Variants in MSI2 observed in about 807,000 individuals in gnomAD.
MSI2 encodes the protein musashi RNA binding protein 2, also known as RNA-binding protein Musashi homolog 2.
Under a neutral mutation model 45.6 loss-of-function variants are expected in MSI2, and 17 were observed. The observed-to-expected ratio is 0.37, with a 90% CI of 0.26 to 0.56. The LOEUF (loss-of-function observed/expected upper bound fraction) is 0.56. MSI2 is among the 20% of genes least tolerant of loss of function. The probability of loss-of-function intolerance (pLI) is 0.77; values close to 1 mark genes in which losing one functional copy is unlikely to be tolerated. For synonymous variants in MSI2, 156 were observed against 158.2 expected, an observed-to-expected ratio of 0.99 and a Z score of 0.11; for missense variants, 293 against 444.2, an observed-to-expected ratio of 0.66 and a Z score of 3.06.
At chr17:57,382,821 T>C (rs2083620118) in intron 5 of MSI2, among the ~76,000 whole-genome samples, 1 of 152,208 alleles carries the variant, frequency 6.6e-6, no homozygotes, top group Admixed American at 6.5e-5. Context: ...CGATGAAATT[T>C]TGAGAAAGCA....
At chr17:57,479,151 A>C (rs1223084946) in intron 6 of MSI2, among the ~76,000 whole-genome samples, 1 of 152,124 alleles carries the variant, frequency 6.6e-6, no homozygotes, top group Non-Finnish European at 1.5e-5. Context: ...AAAATGATGG[A>C]GACCCTTGGG....
chr17:57,533,858 T>C (rs1429609912), intron 7 of MSI2, among the ~76,000 whole-genome samples: 2 of 152,146 alleles, frequency 1.3e-5, no homozygotes, highest in East Asian at 3.9e-4. Context: ...CCTGGGGAAA[T>C]CCTGGAGGGG....
Position 57,498,942 on chromosome 17 carries a change from G to A in MSI2, c.406-30734G>A, listed in dbSNP as rs147929983. ...CTCCCCCCACCCCACAACAGGCCCC[G>A]GTGTGTGATGTCCCCCTTCCTGTGT... On this transcript the variant is annotated intron_variant, in intron 6 of 13. Coordinates refer to ENST00000284073, the MANE Select transcript of MSI2 (RefSeq NM_138962.4). Among the ~76,000 whole-genome samples the A allele has an allele frequency of 8.5e-3, 917 of 107,958 alleles. 42 individuals are homozygous for A. The South Asian group carries it at 0.14, about 16-fold the overall frequency. 70.8% of individuals were successfully genotyped at this position (107,958 alleles called of 152,430 possible). A position where few individuals can be genotyped will look rare whatever the true frequency, so the allele number is the denominator to read the frequency against.
At chr17:57,481,529 CTT>C (rs1397384825) in intron 6 of MSI2, among the ~76,000 whole-genome samples, 3 of 152,156 alleles carry the variant, frequency 2.0e-5, no homozygotes, top group Non-Finnish European at 4.4e-5. Context: ...AACTAGGTCT[CTT>C]TGGGAATTTT....
At chr17:57,566,592 T>C (rs2087738337) in intron 7 of MSI2, among the ~76,000 whole-genome samples, 1 of 151,742 alleles carries the variant, frequency 6.6e-6, no homozygotes, top group African/African-American at 2.4e-5. Flanking sequence ...ATGTGCAGAG[T>C]GAGGTATCAT....
chr17:57,557,292 T>C (rs996538016), intron 7 of MSI2, among the ~76,000 whole-genome samples: 3 of 152,200 alleles, frequency 2.0e-5, no homozygotes, highest in African/African-American at 7.2e-5. Flanking sequence ...TCTTGCTACC[T>C]CTTTTTACGC....
chr17:57,632,096 A>G (rs1909430412), intron 10 of MSI2: 2 of 1,272,648 alleles, frequency 1.6e-6, no homozygotes, highest in East Asian at 6.5e-5. Context: ...CTCAGAATGT[A>G]ACGGGGCCAG....
At chr17:57,441,472 G>A (rs1399866286) in intron 6 of MSI2, among the ~76,000 whole-genome samples, 1 of 152,134 alleles carries the variant, frequency 6.6e-6, no homozygotes, top group Non-Finnish European at 1.5e-5. Context: ...AAGTATGAAA[G>A]TATCATTGGC....
intron 8 of MSI2, among the ~76,000 whole-genome samples, chr17:57,607,060 A>G (rs763432715): frequency 1.3e-5 from 2 of 152,292 alleles, no homozygotes; most frequent in Non-Finnish European, 2.9e-5. Flanking sequence ...AGGCCATCGC[A>G]CAGAGGAAAT....
At chr17:57,590,055 T>C (rs1398520117) in intron 7 of MSI2, among the ~76,000 whole-genome samples, 2 of 152,258 alleles carry the variant, frequency 1.3e-5, no homozygotes, top group African/African-American at 2.4e-5. Flanking sequence ...GCATGAGTTA[T>C]AAATATTCTT....
chr17:57,410,404 G>T (rs946913235), intron 6 of MSI2, among the ~76,000 whole-genome samples: 1 of 152,038 alleles, frequency 6.6e-6, no homozygotes, highest in African/African-American at 2.4e-5. Context: ...AGCACAGGCC[G>T]GCAAGTGTTA....
At chr17:57,375,713 G>A (rs531786689) in intron 5 of MSI2, among the ~76,000 whole-genome samples, 1 of 152,314 alleles carries the variant, frequency 6.6e-6, no homozygotes, top group African/African-American at 2.4e-5. Flanking sequence ...CACTCTGAGT[G>A]AACATATTTG....
chr17:57,640,953 T>C (rs999384648), intron 10 of MSI2, among the ~76,000 whole-genome samples: 2 of 152,200 alleles, frequency 1.3e-5, no homozygotes, highest in African/African-American at 4.8e-5. Flanking sequence ...AAGGCCGTCC[T>C]CCCATCCACC....
chr17:57,637,398 C>T (rs1456685897), intron 10 of MSI2, among the ~76,000 whole-genome samples: 3 of 152,232 alleles, frequency 2.0e-5, no homozygotes, highest in Non-Finnish European at 4.4e-5. Flanking sequence ...AAGCAGAGCA[C>T]GGTGCCTAAT....
At chr17:57,318,215 A>T (rs1913019845) in intron 5 of MSI2, among the ~76,000 whole-genome samples, 1 of 152,020 alleles carries the variant, frequency 6.6e-6, no homozygotes, top group African/African-American at 2.4e-5. Flanking sequence ...GAAGGTGGGA[A>T]GGTGGGCAGG....
Position 57,652,028 on chromosome 17 carries a change from C to G in MSI2, c.728-71C>G. 2.7e-6 allele frequency: 4 copies of G among 1,457,442 alleles called. No homozygotes were observed. The highest frequency in any genetic ancestry group is 2.3e-5 in the South Asian group (2 of 87,534). The allele number at this position is 1,457,442 out of a possible 1,614,324, so 90.3% of individuals were successfully genotyped here. A position where few individuals can be genotyped will look rare whatever the true frequency, so the allele number is the denominator to read the frequency against. ...GTGGAGGGCGGGGGGTTGTGTGGCC[C>G]GTGACCTAGGTCTGTGCCTGGCCCT... On this transcript the variant is annotated intron_variant, in intron 10 of 13. Transcript: ENST00000284073. This position sits in a 1 kb window ranked among gnomAD's most constrained non-coding sequence, Gnocchi z 4.1.
chr17:57,324,200 A>G (rs1468624691), intron 5 of MSI2, among the ~76,000 whole-genome samples: 1 of 152,104 alleles, frequency 6.6e-6, no homozygotes, highest in Non-Finnish European at 1.5e-5. Context: ...GAGGCCTTGG[A>G]GGAGGGGTGG....
rs35799644 is a variant in MSI2, at chr17:57,419,616, C to T, written c.405+18145C>T. ...CTCGAACTCCTGACCTCAGGTGATCCACCCACCTCAGCCTCCCAAAGTGCA... is the reference window on the plus strand; with the variant it reads ...CTCGAACTCCTGACCTCAGGTGATCTACCCACCTCAGCCTCCCAAAGTGCA... On this transcript the variant is annotated intron_variant, in intron 6 of 13. Coordinates refer to ENST00000284073, the MANE Select transcript of MSI2 (RefSeq NM_138962.4). Among the ~76,000 whole-genome samples, 623 of 151,984 alleles carry T rather than the reference C, an allele frequency of 4.1e-3. 5 individuals carry two copies. The highest frequency in any genetic ancestry group is 4.6e-3 in the Non-Finnish European group (311 of 67,970).
chr17:57,343,599 C>A (rs1417966964), intron 5 of MSI2, among the ~76,000 whole-genome samples: 1 of 152,112 alleles, frequency 6.6e-6, no homozygotes, highest in Admixed American at 6.6e-5. Context: ...CTTCAGAAAT[C>A]CAGCATTGAT....
Sources: allele counts gnomAD v4.1 joint callset (sites outside exome capture counted in the v4.1 genomes callset), GRCh38; gene constraint gnomAD v4.1.1; non-coding constraint Gnocchi (gnomAD v3.1); transcripts MANE v1.5; gene names NCBI Gene and HGNC (gene_info 2026-07-23, HGNC 2026-07-21).